The following PTPRN2 variants were observed in gnomAD, a reference collection of about 807,000 sequenced individuals.
PTPRN2 encodes protein tyrosine phosphatase receptor type N2.
PTPRN2 carries 74 observed loss-of-function variants against 118.8 expected under a neutral mutation model. That is an observed-to-expected ratio of 0.62 (90% CI 0.52 to 0.76). The LOEUF is 0.76. Among genes scored for constraint, PTPRN2 ranks in the 30% least tolerant of loss-of-function variants. The pLI is 0.00. For missense variants in PTPRN2, 1,481 were observed against 1,394.4 expected (o/e 1.06, Z -0.99); for synonymous variants, 641 against 608.0 (o/e 1.05, Z -0.80).
In PTPRN2 at chr7:158,081,409, C is replaced by T. The variant is rs73748028; in HGVS notation, c.1644-32G>A. The T allele has an allele frequency of 3.1e-3, 4,918 of 1,592,626 alleles. 145 individuals carry two copies. The African/African-American group carries it at 0.057, about 19-fold the overall frequency. On this transcript the variant is annotated intron_variant, in intron 10 of 22. Transcript: ENST00000389418. ...GGGATAATTTAAAATAAGTTCATAA[C>T]GAAGTCTACGCGCCACACCGCTTTT...
In PTPRN2 at chr7:158,167,110, G is replaced by A. The variant is rs139278439; in HGVS notation, c.731C>T (p.Ala244Val). 227 of 1,612,954 alleles carry A rather than the reference G, an allele frequency of 1.4e-4. 1 individual carries two copies. Among genetic ancestry groups the A allele is most frequent in the Middle Eastern group, 3.3e-4 (2 of 6,078 alleles). ...DSGVDRHHLM[A>V]ALSAYAAQRP... ...CTGGGCAGCATAGGCACTGAGGGCC[G>A]CCATCAGATGGTGTCTGTCCACACC... Residue 244 changes from alanine (A) to valine (V), a missense_variant, in exon 6 of 23, where the codon GCG becomes GTG. By Grantham distance (64) the Ala-to-Val change is moderately conservative. Coordinates refer to ENST00000389418, the MANE Select transcript of PTPRN2 (RefSeq NM_002847.5).
chr7:157,768,878 T>C (rs901808216), intron 12 of PTPRN2, among the ~76,000 whole-genome samples: 4 of 152,140 alleles, frequency 2.6e-5, no homozygotes, highest in African/African-American at 9.7e-5. Context: ...AGAACAAACA[T>C]GCCCTCGGAA....
At chr7:158,324,865 C>T (rs1186140106) in intron 2 of PTPRN2, among the ~76,000 whole-genome samples, 1 of 152,190 alleles carries the variant, frequency 6.6e-6, no homozygotes, top group Non-Finnish European at 1.5e-5. Context: ...ACTCTTGCCA[C>T]ACTTTGCTTA....
intron 3 of PTPRN2, among the ~76,000 whole-genome samples, chr7:158,290,200 C>T (rs1800025558): frequency 7.3e-6 from 1 of 136,728 alleles, no homozygotes; most frequent in African/African-American, 2.7e-5. Flanking sequence ...GGCTGGCTGG[C>T]ACCAGGGGTC....
chr7:158,318,306 C>G (rs1011600185), intron 2 of PTPRN2, among the ~76,000 whole-genome samples: 17 of 152,158 alleles, frequency 1.1e-4, no homozygotes, highest in African/African-American at 4.1e-4. Flanking sequence ...AAATAAGGAG[C>G]GACTTCAAAC....
chr7:158,070,872 G>A (rs1811313248), intron 11 of PTPRN2, among the ~76,000 whole-genome samples: 2 of 133,218 alleles, frequency 1.5e-5, no homozygotes, highest in African/African-American at 3.1e-5. Context: ...GGTGGTGGTG[G>A]TGCCCATGGT....
chr7:157,918,096 T>C (rs1465893025), intron 11 of PTPRN2, among the ~76,000 whole-genome samples: 1 of 152,248 alleles, frequency 6.6e-6, no homozygotes, highest in African/African-American at 2.4e-5. Context: ...CCTTAGGTTC[T>C]GCGTTTTCTT....
At chr7:157,783,558 G>A (rs548803629) in intron 12 of PTPRN2, among the ~76,000 whole-genome samples, 1 of 149,946 alleles carries the variant, frequency 6.7e-6, no homozygotes, top group East Asian at 2.0e-4. Flanking sequence ...CTAATTCTGA[G>A]CATGCAGGGG....
intron 22 of PTPRN2, among the ~76,000 whole-genome samples, chr7:157,547,798 C>T (rs1049417628): frequency 5.9e-5 from 9 of 152,172 alleles, no homozygotes; most frequent in East Asian, 3.9e-4. Context: ...ACGTGGGACA[C>T]GCCTAGACAA....
chr7:157,663,461 G>T (rs141758076), intron 13 of PTPRN2, among the ~76,000 whole-genome samples: 9 of 152,312 alleles, frequency 5.9e-5, no homozygotes, highest in African/African-American at 2.2e-4. Context: ...CTGGAAATGC[G>T]CCAGTCTGCT....
intron 11 of PTPRN2, among the ~76,000 whole-genome samples, chr7:157,938,919 G>A (rs1799884083): frequency 6.6e-6 from 1 of 152,192 alleles, no homozygotes; most frequent in Admixed American, 6.5e-5. Context: ...GTAAGGAGTG[G>A]GGCTCTTTGG....
intron 1 of PTPRN2, chr7:158,541,767 A>G (rs1346102437): frequency 4.2e-6 from 5 of 1,191,112 alleles, no homozygotes; most frequent in East Asian, 1.2e-4. Context: ...CTGCGGACGC[A>G]TAAAAGGGGA....
Position 158,248,970 on chromosome 7 carries a change from C to T in PTPRN2, c.278-43697G>A, listed in dbSNP as rs1026350120. 4.4e-4 allele frequency among the ~76,000 whole-genome samples: 66 copies of T among 151,230 alleles called. 1 individual carries two copies. The highest frequency in any genetic ancestry group is 1.4e-3 in the African/African-American group (58 of 41,146). Reference sequence around the variant, plus strand: ...CCCACATCACATACATGCACATACACGTGCACACCACACATATGCACACAT... The same window carrying T: ...CCCACATCACATACATGCACATACATGTGCACACCACACATATGCACACAT... On this transcript the variant is annotated intron_variant, in intron 3 of 22. Transcript: ENST00000389418.
chr7:158,417,189 C>T (rs1586622752), intron 2 of PTPRN2, among the ~76,000 whole-genome samples: 2 of 151,966 alleles, frequency 1.3e-5, no homozygotes, highest in East Asian at 3.9e-4. Flanking sequence ...TCTCAGTTTC[C>T]CTGCTGTGTT....
intron 12 of PTPRN2, among the ~76,000 whole-genome samples, chr7:157,803,730 G>T (rs1160620918): frequency 6.6e-6 from 1 of 152,000 alleles, no homozygotes; most frequent in Non-Finnish European, 1.5e-5. Context: ...AGGAGCACTT[G>T]GCAGTGTATG....
chr7:157,957,998 C>T (rs1801289283), intron 11 of PTPRN2, among the ~76,000 whole-genome samples: 1 of 152,240 alleles, frequency 6.6e-6, no homozygotes, highest in East Asian at 1.9e-4. Flanking sequence ...CGACAAAATA[C>T]TAGTAGACAA....
chr7:158,441,750 TA>T lies in PTPRN2; in HGVS notation c.163+47984del, dbSNP rs1356944392. Among the ~76,000 whole-genome samples, 71 of 140,646 alleles carry T rather than the reference TA, an allele frequency of 5.0e-4. 1 individual carries two copies. Among genetic ancestry groups the T allele is most frequent in the African/African-American group, 1.8e-3 (65 of 37,050 alleles). 92.3% of individuals were successfully genotyped at this position (140,646 alleles called of 152,430 possible). ...GCGATGGTGATGGCAGTGGTGGTGA[TA>T]GTGATAGTGATGGTCATGGCAGTGG... On this transcript the variant is annotated intron_variant, in intron 2 of 22. Coordinates refer to ENST00000389418, the MANE Select transcript of PTPRN2 (RefSeq NM_002847.5).
intron 11 of PTPRN2, among the ~76,000 whole-genome samples, chr7:157,997,534 A>C (rs2128854764): frequency 6.6e-6 from 1 of 152,166 alleles, no homozygotes; most frequent in East Asian, 1.9e-4. Context: ...GGCCTCACTC[A>C]AGAGGGAAGG....
At chr7:158,366,327 A>C (rs1450128904) in intron 2 of PTPRN2, among the ~76,000 whole-genome samples, 3 of 143,396 alleles carry the variant, frequency 2.1e-5, no homozygotes, top group Non-Finnish European at 3.0e-5. Context: ...ATGCACACAC[A>C]CACCCACAGC....
Sources: allele counts gnomAD v4.1 joint callset (sites outside exome capture counted in the v4.1 genomes callset), GRCh38; gene constraint gnomAD v4.1.1; transcripts MANE v1.5; gene names NCBI Gene and HGNC (gene_info 2026-07-23, HGNC 2026-07-21).